Variants in GAREM1 observed in about 807,000 individuals in gnomAD.
GAREM1 encodes the protein GRB2 associated regulator of MAPK1 subtype 1.
In GAREM1, 26 loss-of-function variants were observed where a neutral mutation model predicts 71.3. The ratio of observed to expected loss-of-function variants is 0.36; its 90% confidence interval spans 0.27 to 0.51. The LOEUF (loss-of-function observed/expected upper bound fraction) is 0.51, where lower values mean the gene tolerates loss of function less well. Ranked by LOEUF, GAREM1 falls within the 20% of genes least tolerant of loss-of-function variation. The probability of loss-of-function intolerance (pLI) is 0.95; values close to 1 mark genes in which losing one functional copy is unlikely to be tolerated. For synonymous variants in GAREM1, 440 were observed against 433.2 expected, an observed-to-expected ratio of 1.02 and a Z score of -0.20; for missense variants, 1,026 against 1,103.1, an observed-to-expected ratio of 0.93 and a Z score of 0.99.
chr18:32,443,255 A>G (rs1471773780), intron 1 of GAREM1, among the ~76,000 whole-genome samples: 2 of 152,198 alleles, frequency 1.3e-5, no homozygotes, highest in Non-Finnish European at 2.9e-5. Context: ...TATGTGTAAA[A>G]TCAAAAACAT....
At chr18:32,446,249 T>TGTGTGTGTGTGTGTGTGTGTGC (rs141510183) in intron 1 of GAREM1, among the ~76,000 whole-genome samples, 1 of 151,860 alleles carries the variant, frequency 6.6e-6, no homozygotes, top group African/African-American at 2.4e-5. Context: ...TGTGTGTGTG[T>TGTGTGTGTGTGTGTGTGTGTGC]GTGTATAACA....
rs141998556 is a variant in GAREM1 at position 32,282,858 on chromosome 18, A to C, written c.1566+4173T>G. 2.2e-3 allele frequency among the ~76,000 whole-genome samples: 338 copies of C among 152,376 alleles called. 2 individuals are homozygous for C. Among genetic ancestry groups the C allele is most frequent in the African/African-American group, 7.5e-3 (312 of 41,590 alleles). ...GCATTTTCTAAAGAGGGGGAAAAGA[A>C]GATTGCTCTTGAAGATTGCCTTTTG... On this transcript the variant is annotated intron_variant, in intron 4 of 5. Transcript: ENST00000269209.
intron 3 of GAREM1, among the ~76,000 whole-genome samples, chr18:32,309,766 A>G (rs1210805443): frequency 6.6e-6 from 1 of 152,278 alleles, no homozygotes; most frequent in African/African-American, 2.4e-5. Context: ...GCTGACTTCA[A>G]GAAATGCTTA....
chr18:32,463,853 G>A (rs1473401741), intron 1 of GAREM1, among the ~76,000 whole-genome samples: 1 of 151,896 alleles, frequency 6.6e-6, no homozygotes. Context: ...ACAGGCGTGA[G>A]CCACTGCGCC....
At chr18:32,455,090 A>T (rs2048874753) in intron 1 of GAREM1, among the ~76,000 whole-genome samples, 1 of 152,234 alleles carries the variant, frequency 6.6e-6, no homozygotes, top group South Asian at 2.1e-4. Flanking sequence ...TTATAATCTT[A>T]CACAAAGGTT....
intron 2 of GAREM1, among the ~76,000 whole-genome samples, chr18:32,351,715 TA>T (rs1423244230): frequency 1.1e-4 from 16 of 150,888 alleles, no homozygotes; most frequent in South Asian, 8.4e-4. Context: ...TTTTTTTTTT[TA>T]CTTACACAGA....
At position 32,266,255 on chromosome 18, in the gene GAREM1, C is replaced by G. The variant is rs2041372581; in HGVS notation, c.*1616G>C. The G allele has an allele frequency of 6.6e-6, 1 of 152,146 alleles. No homozygotes were observed. Among genetic ancestry groups the G allele is most frequent in the African/African-American group, 2.4e-5 (1 of 41,422 alleles). The allele number at this position is 152,146 out of a possible 1,614,324, so 9.4% of individuals were successfully genotyped here. A position where few individuals can be genotyped will look rare whatever the true frequency, so the allele number is the denominator to read the frequency against. ...AGAAATAAAGACACATTTCACAGGT[C>G]TACAAAACTAGACTGGTGGGTCTTG... is the stretch of plus-strand genomic sequence containing the variant. On this transcript the variant is annotated 3_prime_UTR_variant, in exon 6 of 6. Transcript: ENST00000269209.
At position 32,274,016 on chromosome 18, in the gene GAREM1, T is replaced by C. The variant is rs113226969; in HGVS notation, c.1567-3633A>G. On this transcript the variant is annotated intron_variant, in intron 4 of 5. Coordinates refer to ENST00000269209, the MANE Select transcript of GAREM1 (RefSeq NM_001242409.2). Reference sequence around the variant, plus strand: ...TCTGTTGAGGCACAGAGTGAGTGGCTTGCACTACGCCAGGCAGGTGAGGGG... The same window carrying C: ...TCTGTTGAGGCACAGAGTGAGTGGCCTGCACTACGCCAGGCAGGTGAGGGG... Among the ~76,000 whole-genome samples the C allele has an allele frequency of 2.9e-3, 440 of 152,304 alleles. 4 individuals are homozygous for C. The highest frequency in any genetic ancestry group is 0.01 in the African/African-American group (419 of 41,570).
intron 2 of GAREM1, among the ~76,000 whole-genome samples, chr18:32,335,367 C>G (rs1031084196): frequency 6.6e-6 from 1 of 152,288 alleles, no homozygotes. Context: ...TCTGTGTGCA[C>G]ATGGTCAAGC....
chr18:32,329,358 G>A (rs902229161), intron 2 of GAREM1, among the ~76,000 whole-genome samples: 2 of 151,380 alleles, frequency 1.3e-5, no homozygotes, highest in African/African-American at 4.9e-5. Flanking sequence ...CTTGGGCAAC[G>A]GAGCAAGAAC....
intron 1 of GAREM1, among the ~76,000 whole-genome samples, chr18:32,444,591 G>T (rs2048769601): frequency 6.6e-6 from 1 of 152,140 alleles, no homozygotes; most frequent in Non-Finnish European, 1.5e-5. Flanking sequence ...GTCTTCATAT[G>T]AGAAATAATC....
At chr18:32,304,895 G>A (rs2047237643) in intron 3 of GAREM1, among the ~76,000 whole-genome samples, 1 of 152,128 alleles carries the variant, frequency 6.6e-6, no homozygotes, top group African/African-American at 2.4e-5. Context: ...TGTTAGTGCA[G>A]CTGTTTTTAT....
chr18:32,268,764 C>A lies in GAREM1; in HGVS notation c.1738G>T (p.Val580Phe), dbSNP rs3891458. The A allele has an allele frequency of 1.2e-5, 19 of 1,612,076 alleles. No individual in the cohort carries two copies. The highest frequency in any genetic ancestry group is 1.4e-5 in the Non-Finnish European group (17 of 1,178,756). Residue 580 changes from valine (V) to phenylalanine (F), a missense_variant, in exon 6 of 6, where the codon GTC becomes TTC. This residue lies in a region of GAREM1 where 636 missense variants were observed against 631.2 expected (regional missense o/e 1.01). Transcript: ENST00000269209. The part of the protein sequence containing the change: ...YYSSGLHNIS[V>F]TKTDTNPSES... ...GAAGGATTTGTGTCAGTTTTAGTGA[C>A]GCTGCTTAAAAGCAAACACAGAAGG...
intron 2 of GAREM1, among the ~76,000 whole-genome samples, chr18:32,311,833 C>A (rs1490569370): frequency 6.6e-6 from 1 of 152,174 alleles, no homozygotes; most frequent in Admixed American, 6.5e-5. Flanking sequence ...GGGATTTGAG[C>A]GGAGAGCTGG....
chr18:32,360,562 TG>T (rs888848404), intron 2 of GAREM1, among the ~76,000 whole-genome samples: 23 of 151,436 alleles, frequency 1.5e-4, no homozygotes, highest in African/African-American at 4.1e-4. Flanking sequence ...AGATCTTTTT[TG>T]GGGGGGTGGG....
intron 4 of GAREM1, among the ~76,000 whole-genome samples, chr18:32,279,619 A>C (rs1052687253): frequency 1.3e-5 from 2 of 152,194 alleles, no homozygotes; most frequent in African/African-American, 4.8e-5. Context: ...TGAGTTGTAT[A>C]ATTATTTCAT....
chr18:32,435,174 AG>A (rs1179817537), intron 1 of GAREM1, among the ~76,000 whole-genome samples: 3 of 152,150 alleles, frequency 2.0e-5, no homozygotes, highest in Non-Finnish European at 2.9e-5. Flanking sequence ...AAGGAGACTG[AG>A]GAACTGTCAA....
At chr18:32,374,719 A>G (rs1212097183) in intron 2 of GAREM1, among the ~76,000 whole-genome samples, 1 of 152,250 alleles carries the variant, frequency 6.6e-6, no homozygotes, top group Non-Finnish European at 1.5e-5. Context: ...TAAGACATAT[A>G]GTAAGTTAAC....
At chr18:32,399,352 T>G (rs1300947577) in intron 1 of GAREM1, among the ~76,000 whole-genome samples, 5 of 152,058 alleles carry the variant, frequency 3.3e-5, no homozygotes, top group Admixed American at 6.6e-5. Context: ...AAATAAAGGG[T>G]ATTCAATTAG....
Sources: allele counts gnomAD v4.1 joint callset (sites outside exome capture counted in the v4.1 genomes callset), GRCh38; gene constraint gnomAD v4.1.1; regional missense constraint gnomAD v4.1.1; transcripts MANE v1.5; gene names NCBI Gene and HGNC (gene_info 2026-07-23, HGNC 2026-07-21).